Variants in UBE2G2 observed in about 807,000 individuals in gnomAD.
UBE2G2 encodes ubiquitin-conjugating enzyme E2 G2.
A neutral mutation model predicts 23.0 loss-of-function variants in UBE2G2; 10 were observed. The ratio of observed to expected loss-of-function variants is 0.43; its 90% CI spans 0.27 to 0.74. UBE2G2 has a LOEUF of 0.74. Among genes scored for constraint, UBE2G2 ranks in the 30% least tolerant of loss-of-function variants. UBE2G2 has a pLI of 0.19. For synonymous variants in UBE2G2, 86 were observed against 81.3 expected (o/e 1.06, Z -0.31); for missense variants, 150 against 218.3 (o/e 0.69, Z 1.97).
chr21:44,795,681 C>A (rs2083082728), intron 1 of UBE2G2, among the ~76,000 whole-genome samples: 1 of 151,906 alleles, frequency 6.6e-6, no homozygotes, highest in Non-Finnish European at 1.5e-5. Flanking sequence ...AAACAACTGG[C>A]CACGCGAAGT....
intron 1 of UBE2G2, among the ~76,000 whole-genome samples, chr21:44,792,715 C>T (rs2083055438): frequency 1.3e-5 from 2 of 152,178 alleles, no homozygotes; most frequent in Admixed American, 6.5e-5. Flanking sequence ...TTGGGTAGAA[C>T]AAGGCCTACC....
chr21:44,774,872 T>A, intron 4 of UBE2G2: 1 of 374,128 alleles, frequency 2.7e-6, no homozygotes, highest in South Asian at 2.0e-5. Context: ...CAGCCCCTCC[T>A]TCACCAAGTC....
intron 4 of UBE2G2, chr21:44,774,855 C>A: frequency 2.6e-6 from 1 of 387,808 alleles, no homozygotes; most frequent in Non-Finnish European, 5.1e-6. Context: ...CACCTGTGTC[C>A]CTGCCACAGC....
At chr21:44,774,949 T>G in intron 4 of UBE2G2, 1 of 331,562 alleles carries the variant, frequency 3.0e-6, no homozygotes, top group South Asian at 2.3e-5. Context: ...GTGCCCACAT[T>G]TAGTTCCCAA....
At chr21:44,783,527 G>T (rs1226734999) in intron 3 of UBE2G2, among the ~76,000 whole-genome samples, 2 of 152,194 alleles carry the variant, frequency 1.3e-5, no homozygotes, top group African/African-American at 4.8e-5. Context: ...TCCATCAACT[G>T]GGGAATGGAA....
At chr21:44,789,767 C>G (rs1387779461) in intron 1 of UBE2G2, among the ~76,000 whole-genome samples, 2 of 152,106 alleles carry the variant, frequency 1.3e-5, no homozygotes, top group Non-Finnish European at 2.9e-5. Context: ...TGCGTCCCCC[C>G]AAAATTCCTA....
intron 3 of UBE2G2, among the ~76,000 whole-genome samples, chr21:44,783,876 T>C (rs2082974896): frequency 6.6e-6 from 1 of 152,230 alleles, no homozygotes; most frequent in South Asian, 2.1e-4. Context: ...CTGTTTAGGC[T>C]GGGTGCCTTG....
intron 3 of UBE2G2, among the ~76,000 whole-genome samples, chr21:44,786,752 T>A (rs2082999535): frequency 6.6e-6 from 1 of 152,096 alleles, no homozygotes; most frequent in African/African-American, 2.4e-5. Flanking sequence ...TGCAACAAAA[T>A]CCAACCCAAG....
intron 3 of UBE2G2, among the ~76,000 whole-genome samples, chr21:44,779,970 C>A (rs2082943737): frequency 6.6e-6 from 1 of 152,020 alleles, no homozygotes; most frequent in Non-Finnish European, 1.5e-5. Flanking sequence ...ATTTCTGGCA[C>A]CTCTGAGTCC....
intron 4 of UBE2G2, 44 bp from the exon 5 acceptor site, chr21:44,773,731 C>T (rs782000089): frequency 3.1e-6 from 5 of 1,596,224 alleles, no homozygotes; most frequent in East Asian, 2.2e-5. Flanking sequence ...GAATGGTGCC[C>T]GAGGCATCGC....
At chr21:44,777,804 T>C (rs1488887935) in intron 3 of UBE2G2, among the ~76,000 whole-genome samples, 7 of 152,080 alleles carry the variant, frequency 4.6e-5, no homozygotes, top group African/African-American at 1.7e-4. Flanking sequence ...CGTGACTCCG[T>C]CTCAAAAAAT....
At chr21:44,774,507 C>G (rs1310350493) in intron 4 of UBE2G2, 1 of 245,990 alleles carries the variant, frequency 4.1e-6, no homozygotes, top group Non-Finnish European at 8.2e-6. Flanking sequence ...ATTTAACTCA[C>G]CTGAGTTAAT....
At position 44,768,683 on chromosome 21, in the gene UBE2G2, G is replaced by C. The variant is rs1555959363; in HGVS notation, c.*2694C>G. On this transcript the variant is annotated 3_prime_UTR_variant, in exon 6 of 6. Transcript: ENST00000345496. The stretch of plus-strand genomic sequence containing the variant: ...TGACCACAGAGGACCACAGAGGAGT[G>C]ATGACAGGGAGCTGTGCTTCTAAGC... 1 of 152,266 alleles carries C rather than the reference G, an allele frequency of 6.6e-6. No homozygotes were observed. Among genetic ancestry groups the C allele is most frequent in the African/African-American group, 2.4e-5 (1 of 41,454 alleles). The allele number at this position is 152,266 out of a possible 1,614,324, so 9.4% of individuals were successfully genotyped here.
At chr21:44,801,448 T>C in intron 1 of UBE2G2, 3 of 1,215,178 alleles carry the variant, frequency 2.5e-6, no homozygotes, top group East Asian at 3.3e-5. Flanking sequence ...CCGCAAAGAC[T>C]CAACTGTGTG....
intron 1 of UBE2G2, among the ~76,000 whole-genome samples, chr21:44,796,225 C>T (rs1413908902): frequency 1.3e-5 from 2 of 152,188 alleles, no homozygotes; most frequent in Admixed American, 6.5e-5. Context: ...TCTTTCCTGG[C>T]TCTCCTTTTT....
intron 1 of UBE2G2, among the ~76,000 whole-genome samples, chr21:44,793,333 C>T (rs1341177941): frequency 6.6e-6 from 1 of 152,196 alleles, no homozygotes; most frequent in East Asian, 1.9e-4. Context: ...TATTCTTCAT[C>T]TGGAGTTCCC....
Position 44,770,178 on chromosome 21 carries a change from C to G in UBE2G2, c.*1199G>C, listed in dbSNP as rs1319255471. The G allele has an allele frequency of 6.6e-6, 1 of 152,030 alleles. No homozygotes were observed. The highest frequency in any genetic ancestry group is 1.9e-4 in the East Asian group (1 of 5,184). 9.4% of individuals were successfully genotyped at this position (152,030 alleles called of 1,614,324 possible). On this transcript the variant is annotated 3_prime_UTR_variant, in exon 6 of 6. Coordinates refer to ENST00000345496, the MANE Select transcript of UBE2G2 (RefSeq NM_003343.6). ...AGAGTCCCTTCTGAATTTTGAGTTG[C>G]AAAGAATGATTTTGTGCTAATAAAT...
chr21:44,787,534 A>T (rs2083005345), intron 3 of UBE2G2, among the ~76,000 whole-genome samples: 1 of 152,238 alleles, frequency 6.6e-6, no homozygotes, highest in African/African-American at 2.4e-5. Flanking sequence ...GGTCAGACAC[A>T]TCTTTGAGGA....
intron 3 of UBE2G2, among the ~76,000 whole-genome samples, chr21:44,786,768 G>A (rs985574988): frequency 6.6e-6 from 1 of 152,146 alleles, no homozygotes; most frequent in Non-Finnish European, 1.5e-5. Context: ...CCAAGACCTT[G>A]CTGCAAATTA....
Sources: gnomAD v4.1 joint callset for allele counts (sites outside exome capture counted in the v4.1 genomes callset) on GRCh38, gnomAD v4.1.1 for gene constraint, MANE v1.5 for transcripts, NCBI Gene and HGNC (gene_info 2026-07-23, HGNC 2026-07-21) for gene names.